GRK5: variants seen among roughly 807,000 people sequenced by gnomAD.
The protein encoded by GRK5 is G protein-coupled receptor kinase 5, also known as g protein-coupled receptor kinase GRK5.
GRK5 carries 40 observed loss-of-function variants against 78.4 expected under a neutral mutation model. The observed-to-expected ratio is 0.51, with a 90% CI of 0.40 to 0.66. GRK5 has a LOEUF of 0.66. Among genes scored for constraint, GRK5 ranks in the 30% least tolerant of loss-of-function variants. The pLI, the probability that GRK5 is intolerant of heterozygous loss-of-function variation, is 0.00. For missense variants in GRK5, 598 were observed against 759.9 expected (o/e 0.79, Z 2.50); for synonymous variants, 289 against 296.8 (o/e 0.97, Z 0.27).
chr10:119,227,066 G>C (rs188858089), intron 1 of GRK5, among the ~76,000 whole-genome samples: 136 of 152,200 alleles, frequency 8.9e-4, no homozygotes, highest in African/African-American at 3.1e-3. Context: ...GTGTTGGCTA[G>C]GCTGGTCTCT....
chr10:119,209,628 C>T (rs1162211425), intron 1 of GRK5, among the ~76,000 whole-genome samples: 11 of 151,798 alleles, frequency 7.2e-5, no homozygotes, highest in Non-Finnish European at 1.5e-4. Context: ...TCCACCTCCC[C>T]CGCCCCTCTT....
chr10:119,249,315 C>T (rs1330191716), intron 1 of GRK5, among the ~76,000 whole-genome samples: 2 of 151,970 alleles, frequency 1.3e-5, no homozygotes, highest in African/African-American at 4.8e-5. Context: ...CTAATAATAC[C>T]TACCTTGTAG....
Position 119,452,757 on chromosome 10 carries a change from C to T in GRK5, c.1491C>T (p.Asp497=). 6.4e-7 allele frequency: 1 copy of T among 1,574,140 alleles called. No individual in the cohort carries two copies. The highest frequency in any genetic ancestry group is 8.7e-7 in the Non-Finnish European group (1 of 1,154,356). Residue 497 remains aspartate (D), a synonymous_variant, in exon 14 of 16, where the codon GAC becomes GAT. Transcript: ENST00000392870. This position sits in a 1 kb window ranked among gnomAD's most constrained non-coding sequence, Gnocchi z 4.4. The stretch of plus-strand genomic sequence containing the variant: ...TCAATCTGGACCACACAGACGACGA[C>T]TTCTACTCCAAGTTCTCCACGGGCT... ...KGVNLDHTDD[D]FYSKFSTGSV...
chr10:119,289,667 G>T (rs568368204), intron 1 of GRK5, among the ~76,000 whole-genome samples: 1 of 152,316 alleles, frequency 6.6e-6, no homozygotes, highest in South Asian at 2.1e-4. Flanking sequence ...TGGTCTTTGT[G>T]CACGGGCCTC....
At chr10:119,382,525 A>C (rs1242421205) in intron 3 of GRK5, among the ~76,000 whole-genome samples, 2 of 152,126 alleles carry the variant, frequency 1.3e-5, no homozygotes, top group African/African-American at 4.8e-5. Flanking sequence ...TTATGAACTC[A>C]TGGCCAATCT....
intron 1 of GRK5, among the ~76,000 whole-genome samples, chr10:119,273,478 G>A (rs933290300): frequency 2.0e-5 from 3 of 152,222 alleles, no homozygotes; most frequent in Non-Finnish European, 4.4e-5. Context: ...TATTCATGGT[G>A]TAATGGATGT....
intron 2 of GRK5, among the ~76,000 whole-genome samples, chr10:119,356,522 G>A (rs1318015885): frequency 6.6e-6 from 1 of 152,196 alleles, no homozygotes; most frequent in East Asian, 1.9e-4. Flanking sequence ...GTTTGGGCTA[G>A]CTAGAGTCTT....
chr10:119,282,899 G>A (rs902581789), intron 1 of GRK5, among the ~76,000 whole-genome samples: 4 of 152,304 alleles, frequency 2.6e-5, no homozygotes, highest in Middle Eastern at 3.4e-3. Context: ...AGTGACAGTC[G>A]CCCAGTTGAT....
chr10:119,352,996 G>A (rs1247899650), intron 2 of GRK5, among the ~76,000 whole-genome samples: 1 of 152,216 alleles, frequency 6.6e-6, no homozygotes, highest in East Asian at 1.9e-4. Context: ...TCTCAGGAGG[G>A]TATGCTGGCC....
At position 119,336,892 on chromosome 10, in the gene GRK5, G is replaced by A. The variant is rs539903182; in HGVS notation, c.148+10281G>A. 1.3e-5 allele frequency among the ~76,000 whole-genome samples: 2 copies of A among 152,320 alleles called. No individual in the cohort carries two copies. Among genetic ancestry groups the A allele is most frequent in the South Asian group, 4.1e-4 (2 of 4,828 alleles). On this transcript the variant is annotated intron_variant, in intron 2 of 15. Coordinates refer to ENST00000392870, the MANE Select transcript of GRK5 (RefSeq NM_005308.3). The surrounding 1 kb of genome is among the most constrained non-coding windows in gnomAD (Gnocchi z 4.5). ...CGCAGCTGGAGCTCTCAGGAGGGAA[G>A]GGTGGCCCCGCTGTCTTTGCGGTGT... is the stretch of plus-strand genomic sequence containing the variant.
intron 4 of GRK5, among the ~76,000 whole-genome samples, chr10:119,413,665 A>G (rs1202869886): frequency 6.6e-6 from 1 of 152,076 alleles, no homozygotes; most frequent in Non-Finnish European, 1.5e-5. Context: ...CTCCTTTCAC[A>G]GAGCTCTCTA....
intron 3 of GRK5, among the ~76,000 whole-genome samples, chr10:119,384,749 A>G (rs987216021): frequency 5.9e-5 from 9 of 152,166 alleles, no homozygotes; most frequent in African/African-American, 2.2e-4. Flanking sequence ...GTCAAAGAGC[A>G]TGTGAGGGGC....
chr10:119,408,825 T>C (rs542707805), intron 4 of GRK5, among the ~76,000 whole-genome samples: 1 of 152,192 alleles, frequency 6.6e-6, no homozygotes, highest in Non-Finnish European at 1.5e-5. Context: ...TTGTACACTT[T>C]AAAATGGTTG....
intron 1 of GRK5, among the ~76,000 whole-genome samples, chr10:119,222,844 C>T (rs7093673): frequency 0.31 from 47,476 of 152,032 alleles, 7,483 homozygotes; most frequent in African/African-American, 0.35. Flanking sequence ...CTCCTTCCTT[C>T]CGCAAAGAAG....
intron 1 of GRK5, among the ~76,000 whole-genome samples, chr10:119,221,201 G>C (rs146990782): frequency 6.7e-4 from 102 of 151,910 alleles, no homozygotes; most frequent in African/African-American, 2.2e-3. Flanking sequence ...ATCTCTCTCT[G>C]TCTTCCCATG....
chr10:119,453,019 TGAGACCTG>T (rs1853322249), intron 14 of GRK5, 118 bp from the exon 15 acceptor site: 1 of 862,550 alleles, frequency 1.2e-6, no homozygotes, highest in South Asian at 1.5e-5. Flanking sequence ...GCCCAGCCCC[TGAGACCTG>T]GAGGGCGTGT....
At chr10:119,312,498 G>T (rs1850376708) in intron 1 of GRK5, among the ~76,000 whole-genome samples, 2 of 152,184 alleles carry the variant, frequency 1.3e-5, no homozygotes, top group African/African-American at 4.8e-5. Context: ...AGTTTTATGG[G>T]AATACAGCCA....
At chr10:119,210,074 T>G (rs1216873779) in intron 1 of GRK5, among the ~76,000 whole-genome samples, 1 of 152,138 alleles carries the variant, frequency 6.6e-6, no homozygotes. Context: ...TGGAAGCTTG[T>G]GTGGAGTGAC....
chr10:119,223,603 G>C (rs2133713270), intron 1 of GRK5, among the ~76,000 whole-genome samples: 1 of 151,994 alleles, frequency 6.6e-6, no homozygotes, highest in Admixed American at 6.6e-5. Context: ...CCTGGCAGTT[G>C]GTTTCTGTCT....
Sources: gnomAD v4.1 joint callset for allele counts (sites outside exome capture counted in the v4.1 genomes callset) on GRCh38, gnomAD v4.1.1 for gene constraint, Gnocchi (gnomAD v3.1) non-coding constraint, MANE v1.5 for transcripts, NCBI Gene and HGNC (gene_info 2026-07-23, HGNC 2026-07-21) for gene names.